SCHIP1: variants seen among roughly 807,000 people sequenced by gnomAD.
SCHIP1 encodes the protein schwannomin interacting protein 1.
A neutral mutation model predicts 29.7 loss-of-function variants in SCHIP1; 8 were observed. The ratio of observed to expected loss-of-function variants is 0.27; its 90% CI spans 0.16 to 0.49. The LOEUF (loss-of-function observed/expected upper bound fraction) is 0.49. Ranked by LOEUF, SCHIP1 falls within the 20% of genes least tolerant of loss-of-function variation. SCHIP1 has a pLI of 0.99. For missense variants in SCHIP1, 193 were observed against 294.6 expected, an observed-to-expected ratio of 0.66 and a Z score of 2.52; for synonymous variants, 76 against 94.9, an observed-to-expected ratio of 0.80 and a Z score of 1.16.
the SCHIP1 span, among the ~76,000 whole-genome samples, chr3:159,532,439 C>T: frequency 6.6e-6 from 1 of 152,164 alleles, no homozygotes; most frequent in African/African-American, 2.4e-5. Flanking sequence ...CATGTGTGCA[C>T]TGCAAATGCA....
chr3:159,642,119 C>T, the SCHIP1 span, among the ~76,000 whole-genome samples: 1 of 151,990 alleles, frequency 6.6e-6, no homozygotes. Flanking sequence ...TGTAAAACGA[C>T]AAAGCACCGC....
At chr3:159,589,077 T>C in the SCHIP1 span, among the ~76,000 whole-genome samples, 44 of 152,306 alleles carry the variant, frequency 2.9e-4, no homozygotes, top group African/African-American at 7.7e-4. Flanking sequence ...TTTCACAACA[T>C]TGATTCTTCC....
At chr3:159,294,143 C>T in the SCHIP1 span, among the ~76,000 whole-genome samples, 1 of 152,130 alleles carries the variant, frequency 6.6e-6, no homozygotes, top group African/African-American at 2.4e-5. Context: ...GGATTAGTTG[C>T]TCATTTGGAT....
At chr3:159,490,869 G>A in the SCHIP1 span, among the ~76,000 whole-genome samples, 5 of 152,156 alleles carry the variant, frequency 3.3e-5, no homozygotes, top group Non-Finnish European at 7.4e-5. Flanking sequence ...AATTGATTCA[G>A]TGAGTATGGC....
At chr3:159,765,220 T>G in the SCHIP1 span, 1 of 1,410,504 alleles carries the variant, frequency 7.1e-7, no homozygotes, top group East Asian at 2.9e-5. Flanking sequence ...CTCCCTGCGC[T>G]CCCGCCCGCC....
At chr3:159,620,984 A>G in the SCHIP1 span, among the ~76,000 whole-genome samples, 1 of 152,224 alleles carries the variant, frequency 6.6e-6, no homozygotes, top group African/African-American at 2.4e-5. Flanking sequence ...TATGTTAAGC[A>G]TCTAAAAATA....
At chr3:159,537,555 C>A in the SCHIP1 span, among the ~76,000 whole-genome samples, 1 of 152,086 alleles carries the variant, frequency 6.6e-6, no homozygotes, top group East Asian at 1.9e-4. Context: ...TATTCCTATA[C>A]TAATCATCAC....
intron 6 of SCHIP1, chr3:159,894,377 A>G (rs1022242007): frequency 6.6e-6 from 1 of 152,216 alleles, no homozygotes; most frequent in African/African-American, 2.4e-5. Context: ...TTCCCAAGGG[A>G]GTTGACCCTG....
chr3:159,669,247 T>C, the SCHIP1 span, among the ~76,000 whole-genome samples: 1 of 152,182 alleles, frequency 6.6e-6, no homozygotes, highest in Admixed American at 6.5e-5. Flanking sequence ...TGCTGAAAAG[T>C]CATCTGAGGA....
At chr3:159,647,460 C>T in the SCHIP1 span, among the ~76,000 whole-genome samples, 1 of 152,072 alleles carries the variant, frequency 6.6e-6, no homozygotes, top group Non-Finnish European at 1.5e-5. Flanking sequence ...AGATCCTTCT[C>T]AGGTCCTTTG....
At chr3:159,608,064 T>C in the SCHIP1 span, among the ~76,000 whole-genome samples, 3 of 152,160 alleles carry the variant, frequency 2.0e-5, 1 homozygote, top group South Asian at 6.2e-4. Context: ...GCCATTGGGC[T>C]GCCCTCAGAA....
the SCHIP1 span, among the ~76,000 whole-genome samples, chr3:159,561,092 A>G: frequency 2.6e-5 from 4 of 152,210 alleles, no homozygotes; most frequent in African/African-American, 9.6e-5. Context: ...TGATATTTGT[A>G]TAGCTCTATT....
chr3:159,657,527 G>A, the SCHIP1 span, among the ~76,000 whole-genome samples: 1 of 152,176 alleles, frequency 6.6e-6, no homozygotes, highest in East Asian at 1.9e-4. Flanking sequence ...GTCAAGTGGA[G>A]AGAATAATTT....
the SCHIP1 span, among the ~76,000 whole-genome samples, chr3:159,335,339 T>C: frequency 6.6e-6 from 1 of 152,234 alleles, no homozygotes; most frequent in South Asian, 2.1e-4. Context: ...TTCTAATAGA[T>C]GCCCTGTCTT....
At chr3:159,275,947 T>C in the SCHIP1 span, among the ~76,000 whole-genome samples, 3 of 152,188 alleles carry the variant, frequency 2.0e-5, no homozygotes, top group African/African-American at 7.2e-5. Context: ...CAGATCTCTT[T>C]ACTGTGGTCC....
At chr3:159,422,907 A>G in the SCHIP1 span, among the ~76,000 whole-genome samples, 703 of 152,228 alleles carry the variant, frequency 4.6e-3, 9 homozygotes, top group African/African-American at 0.016. Context: ...TGCCATGAAC[A>G]TTCTAGTGCA....
intron 1 of SCHIP1, among the ~76,000 whole-genome samples, chr3:159,853,628 G>A (rs1712947918): frequency 6.6e-6 from 1 of 152,174 alleles, no homozygotes; most frequent in Non-Finnish European, 1.5e-5. Context: ...AGTTCTTTCT[G>A]CTTTTCCCAG....
chr3:159,542,471 G>A, the SCHIP1 span, among the ~76,000 whole-genome samples: 21 of 152,142 alleles, frequency 1.4e-4, no homozygotes, highest in African/African-American at 2.6e-4. Context: ...TCTACAGTAT[G>A]TGCTCTGGTG....
At chr3:159,594,851 G>A in the SCHIP1 span, among the ~76,000 whole-genome samples, 7 of 152,296 alleles carry the variant, frequency 4.6e-5, no homozygotes, top group East Asian at 1.3e-3. Context: ...AAGCCTGGTT[G>A]TTCACTTAAT....
Sources: allele counts gnomAD v4.1 joint callset (sites outside exome capture counted in the v4.1 genomes callset), GRCh38; gene constraint gnomAD v4.1.1; transcripts MANE v1.5; gene names NCBI Gene and HGNC (gene_info 2026-07-23, HGNC 2026-07-21).